The following MARCHF3 variants were observed in gnomAD, a reference collection of about 807,000 sequenced individuals.
The protein encoded by MARCHF3 is membrane associated ring-CH-type finger 3, also known as E3 ubiquitin-protein ligase MARCHF3.
A neutral mutation model predicts 24.2 loss-of-function variants in MARCHF3; 13 were observed. The observed-to-expected ratio is 0.54, with a 90% CI of 0.35 to 0.85. The LOEUF is 0.85. Among genes scored for constraint, MARCHF3 ranks in the 40% least tolerant of loss-of-function variants. The pLI, the probability that MARCHF3 is intolerant of heterozygous loss-of-function variation, is 0.01. For synonymous variants in MARCHF3, 144 were observed against 137.3 expected (o/e 1.05, Z -0.34); for missense variants, 276 against 325.0 (o/e 0.85, Z 1.16).
chr5:126,918,298 A>C, intron 1 of MARCHF3, 71 bp from the exon 2 acceptor site: 1 of 889,600 alleles, frequency 1.1e-6, no homozygotes, highest in Non-Finnish European at 1.7e-6. Context: ...TGGGCCACCA[A>C]CATCATCATC....
chr5:126,884,164 T>C (rs181655274), intron 3 of MARCHF3, among the ~76,000 whole-genome samples: 26 of 152,348 alleles, frequency 1.7e-4, no homozygotes, highest in Non-Finnish European at 3.4e-4. Context: ...AGGTAAGTGA[T>C]AGGTTTCTTG....
At chr5:126,877,820 T>C (rs1233430419) in intron 4 of MARCHF3, among the ~76,000 whole-genome samples, 1 of 152,110 alleles carries the variant, frequency 6.6e-6, no homozygotes, top group East Asian at 1.9e-4. Context: ...ATTCATAATA[T>C]ACTACAATCC....
chr5:126,967,680 C>T (rs796445805), intron 1 of MARCHF3, among the ~76,000 whole-genome samples: 5 of 152,128 alleles, frequency 3.3e-5, no homozygotes, highest in Non-Finnish European at 5.9e-5. Context: ...GTGACAAGAG[C>T]AAGACTCTGT....
intron 3 of MARCHF3, among the ~76,000 whole-genome samples, chr5:126,911,745 G>A (rs944375086): frequency 2.0e-5 from 3 of 152,132 alleles, no homozygotes; most frequent in African/African-American, 7.2e-5. Context: ...CAATATTTAG[G>A]GTAAAAGAGA....
intron 1 of MARCHF3, among the ~76,000 whole-genome samples, chr5:126,978,139 C>T (rs561707100): frequency 7.9e-5 from 12 of 152,254 alleles, no homozygotes; most frequent in African/African-American, 2.9e-4. Context: ...TTTGTCTTCA[C>T]GTGGTGAGTT....
At chr5:126,953,022 T>G (rs1290549124) in intron 1 of MARCHF3, among the ~76,000 whole-genome samples, 2 of 152,192 alleles carry the variant, frequency 1.3e-5, no homozygotes, top group Non-Finnish European at 2.9e-5. Context: ...TGGTGTTGCT[T>G]GAGGGAAAAT....
chr5:126,934,863 C>G (rs1273498786), intron 1 of MARCHF3, among the ~76,000 whole-genome samples: 1 of 152,112 alleles, frequency 6.6e-6, no homozygotes, highest in African/African-American at 2.4e-5. Flanking sequence ...GTCTACCAGG[C>G]CCAGGTCCCG....
At chr5:126,983,085 T>G (rs943811684) in intron 1 of MARCHF3, among the ~76,000 whole-genome samples, 5 of 152,162 alleles carry the variant, frequency 3.3e-5, no homozygotes, top group African/African-American at 1.2e-4. Flanking sequence ...AGCTGTGCAC[T>G]CCTCTGTTGT....
chr5:126,918,383 C>T (rs1414508252), intron 1 of MARCHF3, among the ~76,000 whole-genome samples, 156 bp from the exon 2 acceptor site: 1 of 126,956 alleles, frequency 7.9e-6, no homozygotes, highest in Non-Finnish European at 1.6e-5. Flanking sequence ...AATACAAGTG[C>T]ACACACACAC....
chr5:126,872,189 C>G (rs1050261129), intron 4 of MARCHF3, among the ~76,000 whole-genome samples: 1 of 147,574 alleles, frequency 6.8e-6, no homozygotes, highest in Non-Finnish European at 1.5e-5. Flanking sequence ...AAGCGATTCA[C>G]CTGCCTCAGC....
intron 3 of MARCHF3, among the ~76,000 whole-genome samples, chr5:126,903,103 A>T (rs1456165469): frequency 1.3e-5 from 2 of 152,142 alleles, no homozygotes; most frequent in Non-Finnish European, 2.9e-5. Context: ...GAAGGAGATC[A>T]GTAGGTTCGG....
chr5:126,921,282 G>GA (rs34790166), intron 1 of MARCHF3, among the ~76,000 whole-genome samples: 3 of 152,160 alleles, frequency 2.0e-5, no homozygotes, highest in Non-Finnish European at 2.9e-5. Context: ...ACATGGTGGG[G>GA]ATGGCTGAGT....
chr5:126,943,664 A>G (rs928490281), intron 1 of MARCHF3, among the ~76,000 whole-genome samples: 1 of 152,018 alleles, frequency 6.6e-6, no homozygotes. Flanking sequence ...GTATTATCTT[A>G]TTGAATCCTT....
intron 1 of MARCHF3, among the ~76,000 whole-genome samples, chr5:126,957,606 T>A (rs1377126125): frequency 6.6e-6 from 1 of 152,304 alleles, no homozygotes; most frequent in South Asian, 2.1e-4. Flanking sequence ...TTATATGTCA[T>A]CTTTATCTGT....
chr5:126,989,321 ACT>A (rs1751669497), intron 1 of MARCHF3, among the ~76,000 whole-genome samples: 1 of 148,556 alleles, frequency 6.7e-6, no homozygotes, highest in African/African-American at 2.5e-5. Context: ...TACTACTACT[ACT>A]ACTACTACTA....
chr5:126,950,680 A>G (rs532924594), intron 1 of MARCHF3, among the ~76,000 whole-genome samples: 1 of 152,096 alleles, frequency 6.6e-6, no homozygotes, highest in East Asian at 1.9e-4. Flanking sequence ...AACATCATCA[A>G]TTTCTCCTTA....
intron 3 of MARCHF3, among the ~76,000 whole-genome samples, chr5:126,897,269 C>A (rs1321807495): frequency 4.0e-5 from 6 of 151,626 alleles, no homozygotes; most frequent in Admixed American, 2.0e-4. Flanking sequence ...GAACTCCCGA[C>A]CTCAGGTGAT....
At chr5:126,896,429 A>G (rs756139324) in intron 3 of MARCHF3, among the ~76,000 whole-genome samples, 7 of 152,154 alleles carry the variant, frequency 4.6e-5, no homozygotes, top group Non-Finnish European at 8.8e-5. Context: ...GCAGGAAACC[A>G]GCTGGATGAA....
At chr5:127,016,821 G>A (rs1022379456) in intron 1 of MARCHF3, among the ~76,000 whole-genome samples, 1 of 152,112 alleles carries the variant, frequency 6.6e-6, no homozygotes, top group Non-Finnish European at 1.5e-5. Context: ...ATGTATTGCG[G>A]CACTATTCAC....
Sources: allele counts gnomAD v4.1 joint callset (sites outside exome capture counted in the v4.1 genomes callset), GRCh38; gene constraint gnomAD v4.1.1; transcripts MANE v1.5; gene names NCBI Gene and HGNC (gene_info 2026-07-23, HGNC 2026-07-21).